Variants in ERGIC1 observed in about 807,000 individuals in gnomAD.
The protein encoded by ERGIC1 is endoplasmic reticulum-Golgi intermediate compartment protein 1.
A neutral mutation model predicts 38.3 loss-of-function variants in ERGIC1; 19 were observed. The observed-to-expected ratio is 0.50, with a 90% CI of 0.35 to 0.73. The LOEUF is 0.73. ERGIC1 is among the 30% of genes least tolerant of loss of function. The pLI is 0.01. For synonymous variants in ERGIC1, 124 were observed against 157.6 expected (o/e 0.79, Z 1.60); for missense variants, 294 against 389.2 (o/e 0.76, Z 2.06).
Position 172,951,370 on chromosome 5 carries a change from A to G in ERGIC1, c.*554A>G, listed in dbSNP as rs1026806844. The G allele has an allele frequency of 1.3e-5, 2 of 152,386 alleles. No homozygotes were observed. Among genetic ancestry groups the G allele is most frequent in the African/African-American group, 4.8e-5 (2 of 41,454 alleles). The allele number at this position is 152,386 out of a possible 1,614,324, so 9.4% of individuals were successfully genotyped here. On this transcript the variant is annotated 3_prime_UTR_variant, in exon 10 of 10. Transcript: ENST00000393784. The stretch of plus-strand genomic sequence containing the variant: ...AAGCAAGCCCCTATGATTTGTCACT[A>G]TAGATGGAACCCTGACTTCTGCCCC...
At chr5:172,880,796 G>A (rs1023694270) in intron 1 of ERGIC1, among the ~76,000 whole-genome samples, 1 of 152,226 alleles carries the variant, frequency 6.6e-6, no homozygotes, top group Non-Finnish European at 1.5e-5. Context: ...GGCCCTATGG[G>A]GTCTCTGTTT....
chr5:172,912,653 C>T (rs1250198514), intron 4 of ERGIC1, among the ~76,000 whole-genome samples: 1 of 152,190 alleles, frequency 6.6e-6, no homozygotes, highest in African/African-American at 2.4e-5. Flanking sequence ...TCCCAAAGTT[C>T]TGGGATTACA....
At chr5:172,891,553 C>G (rs1484960631) in intron 2 of ERGIC1, among the ~76,000 whole-genome samples, 6 of 151,924 alleles carry the variant, frequency 3.9e-5, no homozygotes, top group Non-Finnish European at 8.8e-5. Flanking sequence ...ATTCTTGTGC[C>G]TCAGCCTCCC....
At position 172,836,338 on chromosome 5, in the gene ERGIC1, A is replaced by C. The variant is rs139035830; in HGVS notation, c.20+1905A>C. Among the ~76,000 whole-genome samples the C allele has an allele frequency of 3.7e-3, 562 of 152,288 alleles. 2 individuals carry two copies. The highest frequency in any genetic ancestry group is 0.013 in the African/African-American group (529 of 41,552). On this transcript the variant is annotated intron_variant, in intron 1 of 9. Transcript: ENST00000393784. ...CTGTGTCAGGCATTGATATTTAAAG[A>C]GAGAAATGCTCAGCTCTGAGAAGCT...
chr5:172,856,942 T>C (rs1049995260), intron 1 of ERGIC1, among the ~76,000 whole-genome samples: 2 of 152,210 alleles, frequency 1.3e-5, no homozygotes, highest in Non-Finnish European at 2.9e-5. Flanking sequence ...GCCTGAAGCA[T>C]ACTGCAGGCC....
chr5:172,859,381 A>G (rs1374675041), intron 1 of ERGIC1, among the ~76,000 whole-genome samples: 1 of 151,038 alleles, frequency 6.6e-6, no homozygotes, highest in African/African-American at 2.4e-5. Flanking sequence ...CCCACCCCCA[A>G]CTCCCATGGC....
chr5:172,854,787 C>T (rs1761503766), intron 1 of ERGIC1, among the ~76,000 whole-genome samples: 1 of 152,272 alleles, frequency 6.6e-6, no homozygotes, highest in African/African-American at 2.4e-5. Context: ...GTACAGCTCA[C>T]ATGTATTTTA....
intron 3 of ERGIC1, chr5:172,898,512 C>T (rs931354539): frequency 1.3e-5 from 2 of 152,422 alleles, no homozygotes; most frequent in African/African-American, 4.8e-5. Flanking sequence ...GAGAGTTTGC[C>T]TTTCCTGGTC....
chr5:172,923,191 G>GGGA (rs1484363085), intron 5 of ERGIC1, among the ~76,000 whole-genome samples: 1 of 94,876 alleles, frequency 1.1e-5, no homozygotes, highest in East Asian at 2.4e-4. Context: ...CTGAGCATCT[G>GGGA]GGAGGAGGAG....
intron 1 of ERGIC1, among the ~76,000 whole-genome samples, chr5:172,841,053 G>A (rs703728): frequency 0.97 from 147,759 of 152,316 alleles, 71,816 homozygotes; most frequent in East Asian, 1. Context: ...AGCAGCTAGT[G>A]CCATTTCTCA....
chr5:172,929,157 G>A (rs1763723309), intron 7 of ERGIC1, among the ~76,000 whole-genome samples: 1 of 151,544 alleles, frequency 6.6e-6, no homozygotes, highest in African/African-American at 2.4e-5. Context: ...ATATATATGT[G>A]TGTGTGTGTG....
intron 5 of ERGIC1, 171 bp downstream of exon 5, chr5:172,915,009 G>T (rs1346300179): frequency 1.9e-6 from 2 of 1,057,134 alleles, no homozygotes; most frequent in South Asian, 1.3e-5. Context: ...TCTGGATGGG[G>T]GTCCAGGCTC....
intron 2 of ERGIC1, among the ~76,000 whole-genome samples, chr5:172,889,113 C>T (rs1045357845): frequency 1.3e-4 from 20 of 152,060 alleles, no homozygotes; most frequent in African/African-American, 4.1e-4. Context: ...GCTGAAACCC[C>T]GTCTCTATTA....
At chr5:172,917,081 G>A (rs935629539) in intron 5 of ERGIC1, 1 of 152,308 alleles carries the variant, frequency 6.6e-6, no homozygotes, top group African/African-American at 2.4e-5. Flanking sequence ...TAGGGAGGTA[G>A]AATCAATAAG....
Position 172,923,886 on chromosome 5 carries a change from G to C in ERGIC1, c.376-119G>C, listed in dbSNP as rs533989019. On this transcript the variant is annotated intron_variant, in intron 5 of 9. Transcript: ENST00000393784. ...GCACAGTTGAAAATGATACAAGCAG[G>C]ATCCAAACCCAGATCTGCCTGATTC... is the stretch of plus-strand genomic sequence containing the variant. 21 of 862,592 alleles carry C rather than the reference G, an allele frequency of 2.4e-5. No individual in the cohort carries two copies. The East Asian group carries it at 5.6e-4, about 23-fold the overall frequency. 53.4% of individuals were successfully genotyped at this position (862,592 alleles called of 1,614,324 possible).
chr5:172,927,782 C>T (rs1395168087), intron 7 of ERGIC1, among the ~76,000 whole-genome samples: 1 of 151,978 alleles, frequency 6.6e-6, no homozygotes, highest in African/African-American at 2.4e-5. Flanking sequence ...GGTTTCACCA[C>T]GTTGGCCAGG....
chr5:172,835,078 C>T (rs904539427), intron 1 of ERGIC1, among the ~76,000 whole-genome samples: 5 of 152,228 alleles, frequency 3.3e-5, no homozygotes, highest in African/African-American at 1.2e-4. Flanking sequence ...TTTCTGCAGT[C>T]ACCACAATGG....
chr5:172,947,876 TTGTGTGTGTGTGTGTGTG>T (rs10566172), intron 9 of ERGIC1, among the ~76,000 whole-genome samples: 7 of 145,728 alleles, frequency 4.8e-5, no homozygotes, highest in Non-Finnish European at 9.1e-5. Context: ...CAGATGTGTT[TTGTGTGTGTGTGTGTGTG>T]TGTGTGTGTG....
At chr5:172,903,824 G>T (rs980179444) in intron 3 of ERGIC1, among the ~76,000 whole-genome samples, 1 of 152,174 alleles carries the variant, frequency 6.6e-6, no homozygotes, top group Non-Finnish European at 1.5e-5. Context: ...GCAGAGCCAG[G>T]ATTCGAACCC....
Sources: gnomAD v4.1 joint callset for allele counts (sites outside exome capture counted in the v4.1 genomes callset) on GRCh38, gnomAD v4.1.1 for gene constraint, MANE v1.5 for transcripts, NCBI Gene and HGNC (gene_info 2026-07-23, HGNC 2026-07-21) for gene names.